Variants in XKR4 observed in about 807,000 individuals in gnomAD.
XKR4 encodes the protein XK related 4, also known as XK-related protein 4.
Under a neutral mutation model 53.9 loss-of-function variants are expected in XKR4, and 12 were observed. The ratio of observed to expected loss-of-function variants is 0.22; its 90% CI spans 0.14 to 0.36. The LOEUF (loss-of-function observed/expected upper bound fraction) is 0.36. Among genes scored for constraint, XKR4 ranks in the 10% least tolerant of loss-of-function variants. XKR4 has a pLI of 1.00. For synonymous variants in XKR4, 354 were observed against 362.4 expected, an observed-to-expected ratio of 0.98 and a Z score of 0.26; for missense variants, 799 against 859.5, an observed-to-expected ratio of 0.93 and a Z score of 0.88.
chr8:55,202,112 G>A (rs1045826223), intron 1 of XKR4, among the ~76,000 whole-genome samples: 2 of 152,206 alleles, frequency 1.3e-5, no homozygotes, highest in Non-Finnish European at 2.9e-5. Context: ...CAACTGCTCA[G>A]ATTCTAATAA....
chr8:55,205,244 G>GT (rs1344953425), intron 1 of XKR4, among the ~76,000 whole-genome samples: 3 of 152,280 alleles, frequency 2.0e-5, no homozygotes, highest in Admixed American at 1.3e-4. Flanking sequence ...AGCTGATCAT[G>GT]TTTTACAATT....
intron 2 of XKR4, among the ~76,000 whole-genome samples, chr8:55,497,452 T>C (rs1034749323): frequency 7.9e-5 from 12 of 152,236 alleles, no homozygotes; most frequent in African/African-American, 2.7e-4. Flanking sequence ...GTTTATTATA[T>C]GTGTCTGTTC....
chr8:55,162,921 T>A (rs1191024882), intron 1 of XKR4, among the ~76,000 whole-genome samples: 1 of 152,210 alleles, frequency 6.6e-6, no homozygotes, highest in Admixed American at 6.5e-5. Context: ...ATATGGGGCA[T>A]AATTTTAAAA....
chr8:55,471,974 T>C (rs769253848), intron 2 of XKR4, among the ~76,000 whole-genome samples: 6 of 152,122 alleles, frequency 3.9e-5, no homozygotes, highest in African/African-American at 9.7e-5. Context: ...TATTTCTTGA[T>C]AGCAATGAGA....
At chr8:55,114,795 T>G (rs1168915335) in intron 1 of XKR4, among the ~76,000 whole-genome samples, 1 of 152,214 alleles carries the variant, frequency 6.6e-6, no homozygotes, top group South Asian at 2.1e-4. Flanking sequence ...AACCACTGCC[T>G]GGTCACTAAG....
chr8:55,133,625 C>T (rs909904276), intron 1 of XKR4, among the ~76,000 whole-genome samples: 2 of 152,102 alleles, frequency 1.3e-5, no homozygotes, highest in African/African-American at 4.8e-5. Flanking sequence ...ACTCCAGAGC[C>T]TAGGGAATAT....
chr8:55,209,589 G>A (rs1817699275), intron 1 of XKR4, among the ~76,000 whole-genome samples: 1 of 152,186 alleles, frequency 6.6e-6, no homozygotes, highest in Non-Finnish European at 1.5e-5. Context: ...CTGCTGTGGT[G>A]TGCTCCGCGG....
intron 1 of XKR4, among the ~76,000 whole-genome samples, chr8:55,222,538 A>G (rs778382832): frequency 6.6e-6 from 1 of 152,232 alleles, no homozygotes; most frequent in Non-Finnish European, 1.5e-5. Context: ...GATCATTACT[A>G]TGATTCTTTG....
intron 1 of XKR4, among the ~76,000 whole-genome samples, chr8:55,212,067 T>C (rs1817739089): frequency 1.3e-5 from 2 of 151,800 alleles, no homozygotes; most frequent in African/African-American, 2.4e-5. Flanking sequence ...TGATTGGCAA[T>C]TGGTGTTTAT....
rs199888868 is a variant in XKR4 at position 55,236,755 on chromosome 8, CA to C, written c.807-120922del. ...TTTCTCTTTGAATGTGTCTTCCCCA[CA>C]TCTCACCTGAAATATTGCTATTTGT... On this transcript the variant is annotated intron_variant, in intron 1 of 2. Transcript: ENST00000327381. 7.3e-3 allele frequency among the ~76,000 whole-genome samples: 1,113 copies of C among 152,262 alleles called. 17 individuals carry two copies. The highest frequency in any genetic ancestry group is 0.025 in the African/African-American group (1,043 of 41,532).
In XKR4 at chr8:55,353,469, G is replaced by A. The variant is rs191710834; in HGVS notation, c.807-4209G>A. Among the ~76,000 whole-genome samples the A allele has an allele frequency of 4.6e-5, 7 of 152,324 alleles. No individual in the cohort carries two copies. The East Asian group carries it at 1.2e-3, about 25-fold the overall frequency. On this transcript the variant is annotated intron_variant, in intron 1 of 2. Coordinates refer to ENST00000327381, the MANE Select transcript of XKR4 (RefSeq NM_052898.2). ...ACCAGAAACTACTGAAGGGTGGCATGCAACAGATGCTTCCTTACAGACTTC... is the reference window on the plus strand; with the variant it reads ...ACCAGAAACTACTGAAGGGTGGCATACAACAGATGCTTCCTTACAGACTTC...
In XKR4 at chr8:55,524,917, A is replaced by T. The variant is rs1378045264; in HGVS notation, c.*690A>T. 1 of 152,664 alleles carries T rather than the reference A, an allele frequency of 6.6e-6. No homozygotes were observed. Among genetic ancestry groups the T allele is most frequent in the Admixed American group, 6.5e-5 (1 of 15,280 alleles). The allele number at this position is 152,664 out of a possible 1,614,324, so 9.5% of individuals were successfully genotyped here. ...TTTATATTTTAAATTTTCAGTTGCGAACATCCTTTTTGACAGAAATCCTAT... is the reference window on the plus strand; with the variant it reads ...TTTATATTTTAAATTTTCAGTTGCGTACATCCTTTTTGACAGAAATCCTAT... On this transcript the variant is annotated 3_prime_UTR_variant, in exon 3 of 3. Coordinates refer to ENST00000327381, the MANE Select transcript of XKR4 (RefSeq NM_052898.2).
At chr8:55,302,367 G>A (rs1432966213) in intron 1 of XKR4, among the ~76,000 whole-genome samples, 496 of 108,550 alleles carry the variant, frequency 4.6e-3, no homozygotes, top group African/African-American at 0.016. Context: ...CTCTGTTTTG[G>A]TACCAGTACC....
At chr8:55,398,702 G>A (rs1335807777) in intron 2 of XKR4, among the ~76,000 whole-genome samples, 1 of 152,188 alleles carries the variant, frequency 6.6e-6, no homozygotes, top group African/African-American at 2.4e-5. Flanking sequence ...AGACAAGAAG[G>A]AACTGGAAAT....
intron 1 of XKR4, among the ~76,000 whole-genome samples, chr8:55,181,222 T>G (rs1215284889): frequency 2.0e-5 from 3 of 152,332 alleles, no homozygotes; most frequent in African/African-American, 7.2e-5. Flanking sequence ...CAGCTCATCC[T>G]TTGTGAGAAT....
At chr8:55,355,398 C>T (rs1803783268) in intron 1 of XKR4, among the ~76,000 whole-genome samples, 1 of 152,006 alleles carries the variant, frequency 6.6e-6, no homozygotes, top group African/African-American at 2.4e-5. Context: ...CATATATAAT[C>T]AAGAGGAGGC....
intron 2 of XKR4, among the ~76,000 whole-genome samples, chr8:55,381,028 A>G (rs535326719): frequency 4.6e-4 from 70 of 152,360 alleles, no homozygotes; most frequent in African/African-American, 1.5e-3. Flanking sequence ...TTTCACATCT[A>G]AGAATAAATT....
chr8:55,481,087 C>T (rs1279816640), intron 2 of XKR4, among the ~76,000 whole-genome samples: 3 of 152,172 alleles, frequency 2.0e-5, no homozygotes, highest in African/African-American at 4.8e-5. Context: ...GCCCACATTG[C>T]CAAGTCAATC....
At chr8:55,474,218 A>G (rs1485912787) in intron 2 of XKR4, among the ~76,000 whole-genome samples, 1 of 152,086 alleles carries the variant, frequency 6.6e-6, no homozygotes, top group Non-Finnish European at 1.5e-5. Context: ...CCTAAAACAG[A>G]CTTATCAACA....
Sources: gnomAD v4.1 joint callset for allele counts (sites outside exome capture counted in the v4.1 genomes callset) on GRCh38, gnomAD v4.1.1 for gene constraint, MANE v1.5 for transcripts, NCBI Gene and HGNC (gene_info 2026-07-23, HGNC 2026-07-21) for gene names.